CPEB2: variants seen among roughly 807,000 people sequenced by gnomAD.
The protein encoded by CPEB2 is cytoplasmic polyadenylation element binding protein 2, also known as cytoplasmic polyadenylation element-binding protein 2.
Under a neutral mutation model 93.6 loss-of-function variants are expected in CPEB2, and 56 were observed. That is an observed-to-expected ratio of 0.60 (90% CI 0.48 to 0.75). CPEB2 has a LOEUF of 0.75. Among genes scored for constraint, CPEB2 ranks in the 30% least tolerant of loss-of-function variants. The pLI is 0.00. For missense variants in CPEB2, 1,579 were observed against 1,395.1 expected (o/e 1.13, Z -2.10); for synonymous variants, 764 against 586.3 (o/e 1.30, Z -4.38).
chr4:15,058,352 A>G, intron 8 of CPEB2, 69 bp from the exon 9 acceptor site: 3 of 824,696 alleles, frequency 3.6e-6, no homozygotes, highest in Non-Finnish European at 6.0e-6. Context: ...GTATTTTCTA[A>G]ATAGTACTGA....
chr4:15,014,930 G>C (rs1405526877), intron 3 of CPEB2, among the ~76,000 whole-genome samples: 1 of 151,860 alleles, frequency 6.6e-6, no homozygotes, highest in East Asian at 1.9e-4. Flanking sequence ...CTCTGTTTCA[G>C]TTTTATTAAT....
chr4:15,022,833 A>G (rs1042671962), intron 4 of CPEB2, among the ~76,000 whole-genome samples: 3 of 152,114 alleles, frequency 2.0e-5, no homozygotes, highest in African/African-American at 4.8e-5. Context: ...GAGAATATCT[A>G]TAGATTGAAA....
chr4:15,064,389 A>G (rs545279166), intron 11 of CPEB2, among the ~76,000 whole-genome samples: 104 of 152,226 alleles, frequency 6.8e-4, no homozygotes, highest in Non-Finnish European at 1.3e-3. Flanking sequence ...TGAGTAAAGT[A>G]GGTTAGCTTC....
At chr4:15,026,736 C>A (rs1417199957) in intron 4 of CPEB2, among the ~76,000 whole-genome samples, 1 of 152,158 alleles carries the variant, frequency 6.6e-6, no homozygotes, top group Non-Finnish European at 1.5e-5. Context: ...TTAAAGAATT[C>A]CTGTATATTG....
At position 15,008,362 on chromosome 4, in the gene CPEB2, G is replaced by C. The variant is rs772097287; in HGVS notation, c.1969G>C (p.Ala657Pro). 37 of 1,613,760 alleles carry C rather than the reference G, an allele frequency of 2.3e-5. No individual in the cohort carries two copies. The South Asian group carries it at 4.0e-4, about 17-fold the overall frequency. ...GGTGAGATCTAGTTTGCAGTTGCCA[G>C]CTTGGGGCTCAGATTCACTCCAAGA... ...LQVRSSLQLP[A>P]WGSDSLQDSW... The change falls in exon 3 of 12, where the codon GCT becomes CCT. Residue 657 changes from alanine (A) to proline (P), a missense_variant. By Grantham distance (27) the Ala-to-Pro change is conservative. Around this residue, in one of 2 missense-constraint regions of CPEB2, gnomAD observed 1,411 missense variants for 1,056.0 expected, o/e 1.34. Coordinates refer to ENST00000538197, the MANE Select transcript of CPEB2 (RefSeq NM_001177382.2).
intron 5 of CPEB2, among the ~76,000 whole-genome samples, 196 bp downstream of exon 5, chr4:15,033,407 G>A (rs1416930977): frequency 1.3e-5 from 2 of 152,208 alleles, no homozygotes; most frequent in Non-Finnish European, 2.9e-5. Context: ...ATTTGTAACA[G>A]TATGACTTTA....
At position 15,069,102 on chromosome 4, in the gene CPEB2, C is replaced by G. The variant is rs374908138; in HGVS notation, c.*2722C>G. On this transcript the variant is annotated 3_prime_UTR_variant, in exon 12 of 12. Transcript: ENST00000538197. ...GTTCCCTAAATATTCATATTGCTGC[C>G]CAAAAGTATGACTGTGGAGGAAAAA... is the stretch of plus-strand genomic sequence containing the variant. 6.6e-6 allele frequency: 1 copy of G among 151,376 alleles called. No individual in the cohort carries two copies. The highest frequency in any genetic ancestry group is 2.4e-5 in the African/African-American group (1 of 41,136). 9.4% of individuals were successfully genotyped at this position (151,376 alleles called of 1,614,324 possible). A position where few individuals can be genotyped will look rare whatever the true frequency, so the allele number is the denominator to read the frequency against.
intron 6 of CPEB2, among the ~76,000 whole-genome samples, chr4:15,041,529 A>G (rs774471264): frequency 6.6e-6 from 1 of 151,960 alleles, no homozygotes; most frequent in South Asian, 2.1e-4. Flanking sequence ...CATCCTCCCA[A>G]GTAGCTGGGA....
intron 4 of CPEB2, among the ~76,000 whole-genome samples, chr4:15,031,229 T>G (rs1726060992): frequency 6.6e-6 from 1 of 151,878 alleles, no homozygotes; most frequent in African/African-American, 2.4e-5. Flanking sequence ...TTTAATTAAC[T>G]TATTATGCTG....
In CPEB2 at chr4:15,003,617, A is replaced by G; in HGVS notation, c.944A>G (p.Glu315Gly). 6.8e-7 allele frequency: 1 copy of G among 1,479,412 alleles called. No homozygotes were observed. Among genetic ancestry groups the G allele is most frequent in the Non-Finnish European group, 8.9e-7 (1 of 1,119,588 alleles). The allele number at this position is 1,479,412 out of a possible 1,614,324, so 91.6% of individuals were successfully genotyped here. Residue 315 changes from glutamate to glycine, a missense_variant, in exon 1 of 12, where the codon GAG becomes GGG. By Grantham distance (98) the Glu-to-Gly change is moderately conservative. Around this residue, in one of 2 missense-constraint regions of CPEB2, gnomAD observed 1,411 missense variants for 1,056.0 expected, o/e 1.34. Coordinates refer to ENST00000538197, the MANE Select transcript of CPEB2 (RefSeq NM_001177382.2). ...TPVNPAPGSM[E>G]SPNHPLLNSP... The stretch of plus-strand genomic sequence containing the variant: ...GTGAACCCCGCGCCGGGCTCCATGG[A>G]GTCCCCCAACCACCCTCTGCTCAAC...
intron 6 of CPEB2, 94 bp downstream of exon 6, chr4:15,040,581 C>G (rs1334508462): frequency 6.2e-6 from 7 of 1,126,404 alleles, no homozygotes; most frequent in Non-Finnish European, 8.8e-6. Flanking sequence ...CATGCAATAT[C>G]TGAAAACTCA....
chr4:15,042,073 A>G (rs905711194), intron 6 of CPEB2, among the ~76,000 whole-genome samples: 1 of 152,188 alleles, frequency 6.6e-6, no homozygotes, highest in East Asian at 1.9e-4. Flanking sequence ...ATGCAATTTT[A>G]GTAATGGAGC....
At chr4:15,046,020 TTA>T (rs1025379912) in intron 6 of CPEB2, among the ~76,000 whole-genome samples, 31 of 152,352 alleles carry the variant, frequency 2.0e-4, no homozygotes, top group African/African-American at 6.7e-4. Flanking sequence ...GATGTTTGAG[TTA>T]TACATTTGGT....
rs1314156335 is a variant in CPEB2, at chr4:15,003,540, C to G, written c.867C>G (p.Gly289=). 1 of 1,449,466 alleles carries G rather than the reference C, an allele frequency of 6.9e-7. No individual in the cohort carries two copies. Among genetic ancestry groups the G allele is most frequent in the Non-Finnish European group, 9.1e-7 (1 of 1,103,018 alleles). The allele number at this position is 1,449,466 out of a possible 1,614,324, so 89.8% of individuals were successfully genotyped here. The change falls in exon 1 of 12, where the codon GGC becomes GGG. Residue 289 remains glycine, a synonymous_variant. Coordinates refer to ENST00000538197, the MANE Select transcript of CPEB2 (RefSeq NM_001177382.2). ...AGSPRKTPAA[G]EGSAAESPNA... ...GCCCTCGCAAGACCCCAGCCGCGGG[C>G]GAGGGCAGCGCCGCCGAGTCCCCCA...
At position 15,004,130 on chromosome 4, in the gene CPEB2, GCGGCTT is replaced by G; in HGVS notation, c.1462_1467del (p.Phe488_Gly489del). 6.6e-7 allele frequency: 1 copy of G among 1,516,778 alleles called. No homozygotes were observed. The highest frequency in any genetic ancestry group is 8.8e-7 in the Non-Finnish European group (1 of 1,136,770). The allele number at this position is 1,516,778 out of a possible 1,614,324, so 94.0% of individuals were successfully genotyped here. ...GTTCCGACGAGCGGCGGCGGCGGCG[GCGGCTT>G]CGGCGGCCCCTTCTCGGCTACCGCT... On this transcript the variant is annotated inframe_deletion, in exon 1 of 12. Coordinates refer to ENST00000538197, the MANE Select transcript of CPEB2 (RefSeq NM_001177382.2).
At chr4:15,027,864 G>C (rs530891926) in intron 4 of CPEB2, among the ~76,000 whole-genome samples, 26 of 152,126 alleles carry the variant, frequency 1.7e-4, no homozygotes, top group African/African-American at 6.0e-4. Context: ...ATGACTAAGA[G>C]GTAGATATTT....
At chr4:15,037,098 C>T (rs1014416511) in intron 5 of CPEB2, among the ~76,000 whole-genome samples, 18 of 152,020 alleles carry the variant, frequency 1.2e-4, no homozygotes, top group Admixed American at 5.9e-4. Context: ...GTCAGGAGAT[C>T]GAGACCATCC....
chr4:15,062,282 C>T (rs774088872), intron 11 of CPEB2, 22 bp downstream of exon 11: 25 of 1,576,918 alleles, frequency 1.6e-5, no homozygotes, highest in Middle Eastern at 1.7e-4. Flanking sequence ...ATTGGGAAAT[C>T]ACTTATGTCC....
At chr4:15,059,774 T>C (rs1729026128) in intron 10 of CPEB2, among the ~76,000 whole-genome samples, 1 of 152,114 alleles carries the variant, frequency 6.6e-6, no homozygotes, top group South Asian at 2.1e-4. Context: ...CCTACCAAAA[T>C]ATGTCACAGA....
Sources: gnomAD v4.1 joint callset for allele counts (sites outside exome capture counted in the v4.1 genomes callset) on GRCh38, gnomAD v4.1.1 for gene constraint, gnomAD v4.1.1 regional missense constraint, MANE v1.5 for transcripts, NCBI Gene and HGNC (gene_info 2026-07-23, HGNC 2026-07-21) for gene names.